RPS6KC1: variants seen among roughly 807,000 people sequenced by gnomAD.
RPS6KC1 encodes the protein inactive ribosomal protein S6 kinase delta-1.
Under a neutral mutation model 103.8 loss-of-function variants are expected in RPS6KC1, and 54 were observed. The observed-to-expected ratio is 0.52, with a 90% CI of 0.42 to 0.65. The LOEUF (loss-of-function observed/expected upper bound fraction) is 0.65, where lower values mean the gene tolerates loss of function less well. Among genes scored for constraint, RPS6KC1 ranks in the 30% least tolerant of loss-of-function variants. RPS6KC1 has a pLI of 0.00. For synonymous variants in RPS6KC1, 439 were observed against 438.7 expected, an observed-to-expected ratio of 1.00 and a Z score of -0.01; for missense variants, 1,151 against 1,253.8, an observed-to-expected ratio of 0.92 and a Z score of 1.24.
At chr1:213,099,003 G>A (rs1485995497) in intron 3 of RPS6KC1, among the ~76,000 whole-genome samples, 2 of 152,092 alleles carry the variant, frequency 1.3e-5, no homozygotes, top group East Asian at 1.9e-4. Flanking sequence ...ATAAACATTG[G>A]TACTACAAAG....
chr1:213,616,666 G>A, the RPS6KC1 span, among the ~76,000 whole-genome samples: 2 of 152,112 alleles, frequency 1.3e-5, no homozygotes, highest in Non-Finnish European at 2.9e-5. Context: ...AAAATCCAGA[G>A]GCTTAATAGC....
At chr1:213,690,121 A>G in the RPS6KC1 span, among the ~76,000 whole-genome samples, 3 of 152,114 alleles carry the variant, frequency 2.0e-5, no homozygotes, top group Non-Finnish European at 2.9e-5. Flanking sequence ...TGAATGGCTC[A>G]TATTTGTCCA....
the RPS6KC1 span, among the ~76,000 whole-genome samples, chr1:213,816,356 G>T: frequency 6.6e-6 from 1 of 152,086 alleles, no homozygotes; most frequent in African/African-American, 2.4e-5. Flanking sequence ...TAAAACAAGG[G>T]CATGCCTATA....
chr1:213,242,689 GA>G, intron 12 of RPS6KC1, 31 bp downstream of exon 12: 3 of 1,516,284 alleles, frequency 2.0e-6, no homozygotes, highest in Non-Finnish European at 2.7e-6. Context: ...TGTTTCACTT[GA>G]AAAAGTGGTT....
the RPS6KC1 span, among the ~76,000 whole-genome samples, chr1:213,679,991 T>G: frequency 6.6e-6 from 1 of 152,134 alleles, no homozygotes; most frequent in South Asian, 2.1e-4. Context: ...TATAGAAAGA[T>G]TTGCTTTAAT....
chr1:213,518,735 G>C, the RPS6KC1 span, among the ~76,000 whole-genome samples: 2 of 152,204 alleles, frequency 1.3e-5, no homozygotes, highest in African/African-American at 4.8e-5. Flanking sequence ...CAGCTGGAAT[G>C]AGCATATGAA....
the RPS6KC1 span, among the ~76,000 whole-genome samples, chr1:213,788,303 C>T: frequency 1.4e-4 from 22 of 152,076 alleles, no homozygotes; most frequent in Non-Finnish European, 2.2e-4. Context: ...TTTGTTCTTC[C>T]GTGGTGCAGT....
the RPS6KC1 span, among the ~76,000 whole-genome samples, chr1:213,535,343 T>C: frequency 6.6e-6 from 1 of 152,064 alleles, no homozygotes; most frequent in Middle Eastern, 3.2e-3. Context: ...TGGTGTTGAG[T>C]TTCCTAGTGG....
the RPS6KC1 span, among the ~76,000 whole-genome samples, chr1:213,569,111 T>G: frequency 6.6e-6 from 1 of 152,064 alleles, no homozygotes; most frequent in Admixed American, 6.5e-5. Context: ...GGGATAAAGT[T>G]TTCACTTCCC....
chr1:213,813,982 C>T, the RPS6KC1 span, among the ~76,000 whole-genome samples: 1 of 152,200 alleles, frequency 6.6e-6, no homozygotes, highest in Non-Finnish European at 1.5e-5. Flanking sequence ...ACTAGAGAGA[C>T]CTGAGATGCC....
chr1:213,597,671 C>T, the RPS6KC1 span, among the ~76,000 whole-genome samples: 4 of 152,194 alleles, frequency 2.6e-5, no homozygotes, highest in Non-Finnish European at 5.9e-5. Context: ...AGGTCCACTT[C>T]TCAGTGACAG....
the RPS6KC1 span, among the ~76,000 whole-genome samples, chr1:213,401,826 A>G: frequency 2.0e-5 from 3 of 151,924 alleles, no homozygotes; most frequent in Non-Finnish European, 4.4e-5. Context: ...TCACTCTGCC[A>G]CCCAGGCTGG....
intron 12 of RPS6KC1, among the ~76,000 whole-genome samples, chr1:213,247,612 A>C (rs932434906): frequency 5.9e-5 from 9 of 152,176 alleles, no homozygotes; most frequent in African/African-American, 2.2e-4. Flanking sequence ...AGAACTACCA[A>C]ACCTGCATAT....
the RPS6KC1 span, among the ~76,000 whole-genome samples, chr1:213,345,806 C>G: frequency 6.6e-6 from 1 of 152,208 alleles, no homozygotes; most frequent in South Asian, 2.1e-4. Flanking sequence ...CACTCTGCTC[C>G]TTGGCCTCTT....
At chr1:213,091,761 G>A (rs2080985175) in intron 3 of RPS6KC1, among the ~76,000 whole-genome samples, 1 of 152,142 alleles carries the variant, frequency 6.6e-6, no homozygotes, top group South Asian at 2.1e-4. Flanking sequence ...CAATACTGTT[G>A]GTTATTTTCC....
chr1:213,266,788 A>G (rs1211860098), intron 14 of RPS6KC1, among the ~76,000 whole-genome samples: 2 of 151,902 alleles, frequency 1.3e-5, no homozygotes, highest in African/African-American at 4.8e-5. Flanking sequence ...CTGTAGTCCC[A>G]GGTACTTGGG....
the RPS6KC1 span, among the ~76,000 whole-genome samples, chr1:213,689,462 C>T: frequency 6.6e-6 from 1 of 152,162 alleles, no homozygotes; most frequent in East Asian, 1.9e-4. Flanking sequence ...GCAATACTCC[C>T]AGTATTGCTA....
intron 12 of RPS6KC1, among the ~76,000 whole-genome samples, chr1:213,243,801 A>G (rs1198101456): frequency 6.6e-6 from 1 of 152,136 alleles, no homozygotes; most frequent in East Asian, 1.9e-4. Context: ...GTTGATCAAT[A>G]TAGTATTTAA....
the RPS6KC1 span, among the ~76,000 whole-genome samples, chr1:213,725,719 A>G: frequency 6.6e-6 from 1 of 152,264 alleles, no homozygotes; most frequent in South Asian, 2.1e-4. Flanking sequence ...AACCCTGTTC[A>G]GTCAGAAAGG....
Sources: allele counts gnomAD v4.1 joint callset (sites outside exome capture counted in the v4.1 genomes callset), GRCh38; gene constraint gnomAD v4.1.1; transcripts MANE v1.5; gene names NCBI Gene and HGNC (gene_info 2026-07-23, HGNC 2026-07-21).